The following CBLN3 variants were observed in gnomAD, a reference collection of about 807,000 sequenced individuals.
CBLN3 encodes the protein cerebellin 3 precursor.
Under a neutral mutation model 17.4 loss-of-function variants are expected in CBLN3, and 14 were observed. The observed-to-expected ratio is 0.81, with a 90% confidence interval of 0.53 to 1.26. CBLN3 has a LOEUF of 1.26. Ranked by LOEUF, CBLN3 falls within the 50% of genes most tolerant of loss-of-function variation. The pLI, the probability that CBLN3 is intolerant of heterozygous loss-of-function variation, is 0.00. For missense variants in CBLN3, 263 were observed against 268.5 expected, an observed-to-expected ratio of 0.98 and a Z score of 0.14; for synonymous variants, 129 against 117.4, an observed-to-expected ratio of 1.10 and a Z score of -0.64.
At chr14:24,428,102 G>A in intron 2 of CBLN3, 116 bp from the exon 3 acceptor site, 10 of 1,345,840 alleles carry the variant, frequency 7.4e-6, no homozygotes, top group Non-Finnish European at 9.2e-6. Context: ...CGGGAGGGCT[G>A]AGGGGCGGCC....
rs1480710022 is a variant in CBLN3, at chr14:24,428,979, C to A, written c.76G>T (p.Ala26Ser). ...TCCTGGGCCCACCCGGCCCCCAGGGCCAGAAGCACCAGAACCAAGGGCAGC... is the reference window on the plus strand; with the variant it reads ...TCCTGGGCCCACCCGGCCCCCAGGGACAGAAGCACCAGAACCAAGGGCAGC... ...PGLPLVLVLL[A>S]LGAGWAQEGS... The change falls in exon 1 of 3, where the codon GCC becomes TCC. Residue 26 changes from alanine to serine, a missense_variant. Physicochemically the swap from Ala to Ser is moderately conservative, Grantham distance 99. Coordinates refer to ENST00000267406, the MANE Select transcript of CBLN3 (RefSeq NM_001039771.3). 1.9e-6 allele frequency: 3 copies of A among 1,550,562 alleles called. No homozygotes were observed. Among genetic ancestry groups the A allele is most frequent in the Non-Finnish European group, 2.6e-6 (3 of 1,146,664 alleles).
Position 24,428,802 on chromosome 14 carries a change from C to G in CBLN3, c.253G>C (p.Ala85Pro), listed in dbSNP as rs774773920. The change falls in exon 1 of 3, where the codon GCA becomes CCA. Residue 85 changes from alanine (A) to proline (P), a missense_variant. By Grantham distance (27) the Ala-to-Pro change is conservative (BLOSUM62 -1). Transcript: ENST00000267406. ...AAVRSHHHEP[A>P]GETGNGTSGA... ...CTGGTGCCATTGCCGGTTTCCCCTGCTGGCTCATGGTGGTGGCTTCGGACC... is the reference window on the plus strand; with the variant it reads ...CTGGTGCCATTGCCGGTTTCCCCTGGTGGCTCATGGTGGTGGCTTCGGACC... 6.2e-7 allele frequency: 1 copy of G among 1,609,632 alleles called. No individual in the cohort carries two copies. Among genetic ancestry groups the G allele is most frequent in the South Asian group, 1.1e-5 (1 of 90,738 alleles).
rs1319555304 is a variant in CBLN3, at chr14:24,427,509, C to A, written c.*280G>T. 9.4e-6 allele frequency: 4 copies of A among 423,924 alleles called. No homozygotes were observed. The highest frequency in any genetic ancestry group is 8.7e-5 in the African/African-American group (4 of 46,184). The allele number at this position is 423,924 out of a possible 1,614,324, so 26.3% of individuals were successfully genotyped here. ...AGGCCGCAAAGTAGTGCAGATCTTC[C>A]TTCTTGCCAAACCTTGCCCTGATCC... On this transcript the variant is annotated 3_prime_UTR_variant, in exon 3 of 3. Coordinates refer to ENST00000267406, the MANE Select transcript of CBLN3 (RefSeq NM_001039771.3). The surrounding 1 kb of genome is among the most constrained non-coding windows in gnomAD (Gnocchi z 4.4).
Position 24,427,738 on chromosome 14 carries a change from C to T in CBLN3, c.*51G>A. Reference sequence around the variant, plus strand: ...CTGCTGTTTCTGGGGCAAGAGAGGGCAGAAGAAAGTTGTCAGGGGCTGGAT... The same window carrying T: ...CTGCTGTTTCTGGGGCAAGAGAGGGTAGAAGAAAGTTGTCAGGGGCTGGAT... On this transcript the variant is annotated 3_prime_UTR_variant, in exon 3 of 3. Coordinates refer to ENST00000267406, the MANE Select transcript of CBLN3 (RefSeq NM_001039771.3). This position sits in a 1 kb window ranked among gnomAD's most constrained non-coding sequence, Gnocchi z 4.4. 1.9e-6 allele frequency: 3 copies of T among 1,555,806 alleles called. No homozygotes were observed. The highest frequency in any genetic ancestry group is 2.7e-6 in the Non-Finnish European group (3 of 1,129,028).
chr14:24,429,035 T>C lies in CBLN3; in HGVS notation c.20A>G (p.His7Arg). 6.6e-7 allele frequency: 1 copy of C among 1,516,274 alleles called. No homozygotes were observed. The highest frequency in any genetic ancestry group is 1.2e-5 in the South Asian group (1 of 81,612). The allele number at this position is 1,516,274 out of a possible 1,614,324, so 93.9% of individuals were successfully genotyped here. A position where few individuals can be genotyped will look rare whatever the true frequency, so the allele number is the denominator to read the frequency against. ...ACTGTGTAGGGGACCTGGTAGCCAG[T>C]GTGGCTTGGCTCCCAACATGGCTGA... MLGAKP[H>R]WLPGPLHSPG... Residue 7 changes from histidine (H) to arginine (R), a missense_variant, in exon 1 of 3, where the codon CAC becomes CGC. Physicochemically the swap from His to Arg is conservative, Grantham distance 29. Transcript: ENST00000267406.
In CBLN3 at chr14:24,428,345, G is replaced by T. The variant is rs368781428; in HGVS notation, c.361C>A (p.Arg121=). The change falls in exon 2 of 3, where the codon CGG becomes AGG. Residue 121 remains arginine (R), a synonymous_variant. Transcript: ENST00000267406. ...RASGSFVAPV[R]GVYSFRFHVV... Reference sequence around the variant, plus strand: ...TGGAACCGGAAGCTGTAGACACCCCGGACAGGGGCTACGAAGGAGCCAGAG... The same window carrying T: ...TGGAACCGGAAGCTGTAGACACCCCTGACAGGGGCTACGAAGGAGCCAGAG... The T allele has an allele frequency of 6.2e-7, 1 of 1,613,832 alleles. No individual in the cohort carries two copies. Among genetic ancestry groups the T allele is most frequent in the Non-Finnish European group, 8.5e-7 (1 of 1,179,914 alleles).
Position 24,427,835 on chromosome 14 carries a change from C to A in CBLN3, c.572G>T (p.Gly191Val), listed in dbSNP as rs1221513199. The change falls in exon 3 of 3, where the codon GGT (glycine) becomes GTT (valine). Residue 191 changes from glycine (G) to valine (V), a missense_variant. By Grantham distance (109) the Gly-to-Val change is moderately radical (BLOSUM62 -3). Coordinates refer to ENST00000267406, the MANE Select transcript of CBLN3 (RefSeq NM_001039771.3). The surrounding 1 kb of genome is among the most constrained non-coding windows in gnomAD (Gnocchi z 4.4). Reference sequence around the variant, plus strand: ...GCCAGAGAAACTTGAGTATTTCCAACCACCCAGTAGATTCCCCCGACGCAG... The same window carrying A: ...GCCAGAGAAACTTGAGTATTTCCAAACACCCAGTAGATTCCCCCGACGCAG... ...LRLRRGNLLG[G>V]WKYSSFSGFL... 1 of 1,614,010 alleles carries A rather than the reference C, an allele frequency of 6.2e-7. No homozygotes were observed. The highest frequency in any genetic ancestry group is 8.5e-7 in the Non-Finnish European group (1 of 1,180,014).
In CBLN3 at chr14:24,427,840, C is replaced by G; in HGVS notation, c.567G>C (p.Leu189=). The G allele has an allele frequency of 6.2e-7, 1 of 1,614,092 alleles. No individual in the cohort carries two copies. The highest frequency in any genetic ancestry group is 8.5e-7 in the Non-Finnish European group (1 of 1,179,996). Residue 189 remains leucine, a synonymous_variant, in exon 3 of 3, where the codon CTG becomes CTC. Transcript: ENST00000267406. The surrounding 1 kb of genome is among the most constrained non-coding windows in gnomAD (Gnocchi z 4.4). Reference sequence around the variant, plus strand: ...AGAAACTTGAGTATTTCCAACCACCCAGTAGATTCCCCCGACGCAGGCGCA... The same window carrying G: ...AGAAACTTGAGTATTTCCAACCACCGAGTAGATTCCCCCGACGCAGGCGCA... ...VSLRLRRGNL[L]GGWKYSSFSG...
In CBLN3 at chr14:24,427,147, T is replaced by C. The variant is rs1219151951; in HGVS notation, c.*642A>G. The C allele has an allele frequency of 6.5e-6, 1 of 152,956 alleles. No individual in the cohort carries two copies. Among genetic ancestry groups the C allele is most frequent in the Non-Finnish European group, 1.5e-5 (1 of 68,648 alleles). 9.5% of individuals were successfully genotyped at this position (152,956 alleles called of 1,614,324 possible). A position where few individuals can be genotyped will look rare whatever the true frequency, so the allele number is the denominator to read the frequency against. ...TCCAGCATAGAAGGACAGCCAGGAT[T>C]GCTACCTGCTGGCTGCTCTGCTATA... On this transcript the variant is annotated 3_prime_UTR_variant, in exon 3 of 3. Transcript: ENST00000267406. The surrounding 1 kb of genome is among the most constrained non-coding windows in gnomAD (Gnocchi z 4.4).
rs1344001686 is a variant in CBLN3, at chr14:24,428,411, G to A, written c.301-6C>T. 2 of 1,613,696 alleles carry A rather than the reference G, an allele frequency of 1.2e-6. No individual in the cohort carries two copies. The highest frequency in any genetic ancestry group is 1.7e-6 in the Non-Finnish European group (2 of 1,179,854). ...CCGCCCTCGTTCACCAGGACCTGGG[G>A]GAAGCAGAGCCTGCTGAGTGGGGCT... On this transcript the variant is annotated splice_region_variant and splice_polypyrimidine_tract_variant and intron_variant, in intron 1 of 2. Transcript: ENST00000267406.
At position 24,427,661 on chromosome 14, in the gene CBLN3, G is replaced by A; in HGVS notation, c.*128C>T. 3.5e-6 allele frequency: 3 copies of A among 853,172 alleles called. No individual in the cohort carries two copies. Among genetic ancestry groups the A allele is most frequent in the Non-Finnish European group, 5.8e-6 (3 of 520,764 alleles). The allele number at this position is 853,172 out of a possible 1,614,324, so 52.9% of individuals were successfully genotyped here. ...TCTTAAACTTGGGTGTTTGGCACAG[G>A]GTCCCATGCAAAGAGGTGGGATAGG... On this transcript the variant is annotated 3_prime_UTR_variant, in exon 3 of 3. Transcript: ENST00000267406. This position sits in a 1 kb window ranked among gnomAD's most constrained non-coding sequence, Gnocchi z 4.4.
In CBLN3 at chr14:24,427,794, G is replaced by C. The variant is rs773513524; in HGVS notation, c.613C>G (p.Leu205Val). 2.4e-5 allele frequency: 39 copies of C among 1,613,810 alleles called. No individual in the cohort carries two copies. The highest frequency in any genetic ancestry group is 3.1e-5 in the Non-Finnish European group (36 of 1,179,802). ...TGCTTGAAAGACTTGGGTCCTCAGA[G>C]AGGGAAGATGAGGAAGCCAGAGAAA... Reference protein sequence around the residue: ...SSFSGFLIFPL With the variant: ...SSFSGFLIFPV The change falls in exon 3 of 3, where the codon CTC (leucine) becomes GTC (valine). Residue 205 changes from leucine (L) to valine (V), a missense_variant. Leu to Val is a conservative substitution (Grantham distance 32). Transcript: ENST00000267406. This position sits in a 1 kb window ranked among gnomAD's most constrained non-coding sequence, Gnocchi z 4.4.
At position 24,427,954 on chromosome 14, in the gene CBLN3, G is replaced by C. The variant is rs1355155368; in HGVS notation, c.453C>G (p.Ile151Met). ...VSLMLNTWPV[I>M]SAFANDPDVT... ...CGTCAGGATCATTGGCAAAGGCTGA[G>C]ATGACAGGCCACGTGTTCAGCATCA... The change falls in exon 3 of 3, where the codon ATC (isoleucine) becomes ATG (methionine). Residue 151 changes from isoleucine (I) to methionine (M), a missense_variant. Transcript: ENST00000267406. The surrounding 1 kb of genome is among the most constrained non-coding windows in gnomAD (Gnocchi z 4.4). 2 of 1,613,754 alleles carry C rather than the reference G, an allele frequency of 1.2e-6. No homozygotes were observed. Among genetic ancestry groups the C allele is most frequent in the South Asian group, 2.2e-5 (2 of 91,082 alleles).
intron 1 of CBLN3, 69 bp downstream of exon 1, chr14:24,428,686 G>A (rs1005706606): frequency 1.1e-5 from 16 of 1,488,770 alleles, no homozygotes; most frequent in African/African-American, 1.4e-5. Context: ...AGCAAAGTGG[G>A]CTTGGACAGT....
Position 24,427,627 on chromosome 14 carries a change from C to T in CBLN3, c.*162G>A, listed in dbSNP as rs1282646539. The T allele has an allele frequency of 2.8e-6, 2 of 718,972 alleles. No homozygotes were observed. Among genetic ancestry groups the T allele is most frequent in the Admixed American group, 2.3e-5 (1 of 44,366 alleles). 44.5% of individuals were successfully genotyped at this position (718,972 alleles called of 1,614,324 possible). A position where few individuals can be genotyped will look rare whatever the true frequency, so the allele number is the denominator to read the frequency against. On this transcript the variant is annotated 3_prime_UTR_variant, in exon 3 of 3. Coordinates refer to ENST00000267406, the MANE Select transcript of CBLN3 (RefSeq NM_001039771.3). The surrounding 1 kb of genome is among the most constrained non-coding windows in gnomAD (Gnocchi z 4.4). Reference sequence around the variant, plus strand: ...GGCCTGGTCTGGAGATGCCACAGCTCTACTCTTCTCTTAAACTTGGGTGTT... The same window carrying T: ...GGCCTGGTCTGGAGATGCCACAGCTTTACTCTTCTCTTAAACTTGGGTGTT...
rs768423432 is a variant in CBLN3, at chr14:24,428,714, A to T, written c.300+41T>A. ...TGGACAGTTGCTTCCAGGTCCTTGC[A>T]GGGTCTTTCCAGGTCCCCTGGACAG... On this transcript the variant is annotated intron_variant, in intron 1 of 2. Transcript: ENST00000267406. 7.2e-6 allele frequency: 11 copies of T among 1,530,934 alleles called. No homozygotes were observed. In the South Asian group the frequency reaches 1.2e-4, roughly 17 times the overall value. 94.8% of individuals were successfully genotyped at this position (1,530,934 alleles called of 1,614,324 possible).
rs936535944 is a variant in CBLN3 at position 24,427,469 on chromosome 14, G to A, written c.*320C>T. ...CATTGAGCAGGAAGCTGGGGTGGGGGAACCGGAGGAGCAGAGGCCGCAAAG... is the reference window on the plus strand; with the variant it reads ...CATTGAGCAGGAAGCTGGGGTGGGGAAACCGGAGGAGCAGAGGCCGCAAAG... On this transcript the variant is annotated 3_prime_UTR_variant, in exon 3 of 3. Coordinates refer to ENST00000267406, the MANE Select transcript of CBLN3 (RefSeq NM_001039771.3). The surrounding 1 kb of genome is among the most constrained non-coding windows in gnomAD (Gnocchi z 4.4). 1 of 317,840 alleles carries A rather than the reference G, an allele frequency of 3.1e-6. No homozygotes were observed. Among genetic ancestry groups the A allele is most frequent in the East Asian group, 8.1e-5 (1 of 12,344 alleles). 19.7% of individuals were successfully genotyped at this position (317,840 alleles called of 1,614,324 possible). A position where few individuals can be genotyped will look rare whatever the true frequency, so the allele number is the denominator to read the frequency against.
Position 24,427,465 on chromosome 14 carries a change from G to T in CBLN3, c.*324C>A, listed in dbSNP as rs571260562. 1.9e-5 allele frequency: 6 copies of T among 315,146 alleles called. No homozygotes were observed. Among genetic ancestry groups the T allele is most frequent in the South Asian group, 1.3e-4 (4 of 31,734 alleles). 19.5% of individuals were successfully genotyped at this position (315,146 alleles called of 1,614,324 possible). A position where few individuals can be genotyped will look rare whatever the true frequency, so the allele number is the denominator to read the frequency against. On this transcript the variant is annotated 3_prime_UTR_variant, in exon 3 of 3. Transcript: ENST00000267406. The surrounding 1 kb of genome is among the most constrained non-coding windows in gnomAD (Gnocchi z 4.4). The stretch of plus-strand genomic sequence containing the variant: ...TCAGCATTGAGCAGGAAGCTGGGGT[G>T]GGGGAACCGGAGGAGCAGAGGCCGC...
chr14:24,429,412 G>A lies in CBLN3; in HGVS notation c.-358C>T, dbSNP rs1450721437. On this transcript the variant is annotated 5_prime_UTR_variant, in exon 1 of 3. Coordinates refer to ENST00000267406, the MANE Select transcript of CBLN3 (RefSeq NM_001039771.3). ...CCTGGGGGGATGGAGAACATGGTAT[G>A]TGTGTGTGACGGGTGTGACAGAATG... 5.4e-6 allele frequency: 3 copies of A among 559,072 alleles called. No individual in the cohort carries two copies. Among genetic ancestry groups the A allele is most frequent in the Non-Finnish European group, 1.0e-5 (3 of 293,974 alleles). The allele number at this position is 559,072 out of a possible 1,614,324, so 34.6% of individuals were successfully genotyped here. A position where few individuals can be genotyped will look rare whatever the true frequency, so the allele number is the denominator to read the frequency against.
Sources: gnomAD v4.1 joint callset for allele counts on GRCh38, gnomAD v4.1.1 for gene constraint, Gnocchi (gnomAD v3.1) non-coding constraint, MANE v1.5 for transcripts, NCBI Gene and HGNC (gene_info 2026-07-23, HGNC 2026-07-21) for gene names.